The following SYNPR variants were observed in gnomAD, a reference collection of about 807,000 sequenced individuals.
The protein encoded by SYNPR is synaptoporin.
In SYNPR, 23 loss-of-function variants were observed where a neutral mutation model predicts 32.9. The ratio of observed to expected loss-of-function variants is 0.70; its 90% CI spans 0.50 to 0.99. The LOEUF is 0.99. Ranked by LOEUF, SYNPR falls within the 50% of genes least tolerant of loss-of-function variation. The pLI is 0.00. For synonymous variants in SYNPR, 146 were observed against 135.9 expected, an observed-to-expected ratio of 1.07 and a Z score of -0.52; for missense variants, 318 against 349.3, an observed-to-expected ratio of 0.91 and a Z score of 0.71.
At chr3:63,360,826 A>G (rs901954949) in intron 2 of SYNPR, among the ~76,000 whole-genome samples, 1 of 152,086 alleles carries the variant, frequency 6.6e-6, no homozygotes, top group African/African-American at 2.4e-5. Context: ...ATATCTTTTC[A>G]CCATATTTTC....
intron 2 of SYNPR, among the ~76,000 whole-genome samples, chr3:63,328,767 A>C (rs953353939): frequency 1.3e-5 from 2 of 152,164 alleles, no homozygotes; most frequent in Non-Finnish European, 2.9e-5. Context: ...ACTATGGCTA[A>C]ATAAACTTGC....
chr3:63,585,437 C>CTGTA (rs1192333658), intron 4 of SYNPR, among the ~76,000 whole-genome samples: 4 of 113,636 alleles, frequency 3.5e-5, no homozygotes, highest in African/African-American at 1.4e-4. Flanking sequence ...ATGTTTCCTT[C>CTGTA]TGTATATCCA....
At chr3:63,230,248 T>C (rs2106872604) in intron 1 of SYNPR, among the ~76,000 whole-genome samples, 1 of 152,328 alleles carries the variant, frequency 6.6e-6, no homozygotes, top group East Asian at 1.9e-4. Flanking sequence ...CTAATGTGAA[T>C]AGGCACAGCA....
intron 2 of SYNPR, among the ~76,000 whole-genome samples, chr3:63,318,118 A>C (rs1037546144): frequency 6.6e-6 from 1 of 152,056 alleles, no homozygotes; most frequent in Non-Finnish European, 1.5e-5. Context: ...TCTGCTGAGA[A>C]ATCTGCTGTT....
At chr3:63,556,862 T>A in intron 4 of SYNPR, 121 bp downstream of exon 4, 1 of 963,490 alleles carries the variant, frequency 1.0e-6, no homozygotes, top group Non-Finnish European at 1.5e-6. Flanking sequence ...AATCACATTC[T>A]TTTTTATCCA....
the SYNPR span, among the ~76,000 whole-genome samples, chr3:63,219,807 G>A: frequency 1.3e-5 from 2 of 152,130 alleles, no homozygotes; most frequent in Non-Finnish European, 2.9e-5. Context: ...GAGGAGGAAG[G>A]GCAGGCGTTT....
intron 2 of SYNPR, among the ~76,000 whole-genome samples, chr3:63,313,474 C>T (rs991232289): frequency 2.0e-5 from 3 of 151,158 alleles, no homozygotes; most frequent in African/African-American, 7.3e-5. Context: ...TGTGGTTTTC[C>T]ATTCCTGAGT....
At chr3:63,591,209 C>T (rs1306426734) in intron 4 of SYNPR, among the ~76,000 whole-genome samples, 1 of 143,292 alleles carries the variant, frequency 7.0e-6, no homozygotes. Context: ...TGAAAAAATG[C>T]TCATCATCAC....
intron 1 of SYNPR, among the ~76,000 whole-genome samples, chr3:63,229,348 G>A (rs541928873): frequency 1.2e-4 from 19 of 152,022 alleles, no homozygotes; most frequent in Middle Eastern, 6.8e-3. Flanking sequence ...AACTATTGTC[G>A]ACAAATTTAC....
intron 1 of SYNPR, among the ~76,000 whole-genome samples, chr3:63,250,699 G>A (rs1277775953): frequency 2.0e-5 from 3 of 152,136 alleles, no homozygotes; most frequent in South Asian, 4.1e-4. Context: ...TGAGGAAAAT[G>A]AGTCTCACAG....
chr3:63,548,123 C>T (rs1287311348), intron 3 of SYNPR, among the ~76,000 whole-genome samples: 1 of 152,080 alleles, frequency 6.6e-6, no homozygotes, highest in African/African-American at 2.4e-5. Flanking sequence ...TCATTGTCTC[C>T]CCATCTGTTT....
intron 1 of SYNPR, among the ~76,000 whole-genome samples, chr3:63,240,704 A>G (rs182516073): frequency 5.9e-5 from 9 of 152,280 alleles, no homozygotes; most frequent in African/African-American, 7.2e-5. Context: ...TGCAAGGGCC[A>G]TGACCTGCAC....
In SYNPR at chr3:63,585,406, AG is replaced by A. The variant is rs1190737966; in HGVS notation, c.409-23717del. Among the ~76,000 whole-genome samples the A allele has an allele frequency of 2.0e-5, 3 of 151,842 alleles. No individual in the cohort carries two copies. In the East Asian group the frequency reaches 5.8e-4, roughly 30 times the overall value. ...TACGAAAAGCATGCATGCCCCTGGA[AG>A]GCAATGGCATTTCAGTCACATGTTT... On this transcript the variant is annotated intron_variant, in intron 4 of 5. Coordinates refer to ENST00000478300, the MANE Select transcript of SYNPR (RefSeq NM_001130003.2).
At chr3:63,322,596 G>T (rs2087122598) in intron 2 of SYNPR, among the ~76,000 whole-genome samples, 1 of 152,068 alleles carries the variant, frequency 6.6e-6, no homozygotes, top group African/African-American at 2.4e-5. Flanking sequence ...AAAGGTCTCA[G>T]GTCTTTAATG....
chr3:63,361,477 A>G (rs925653211), intron 2 of SYNPR, among the ~76,000 whole-genome samples: 4 of 151,910 alleles, frequency 2.6e-5, no homozygotes, highest in Non-Finnish European at 2.9e-5. Context: ...GGGCTCCTGT[A>G]GTCGCAGCTA....
chr3:63,599,345 C>T (rs911513514), intron 4 of SYNPR, among the ~76,000 whole-genome samples: 1 of 152,034 alleles, frequency 6.6e-6, no homozygotes, highest in Non-Finnish European at 1.5e-5. Flanking sequence ...CTGCAAGCTC[C>T]GTTCATGGTA....
chr3:63,615,216 T>A lies in SYNPR; in HGVS notation c.601-8T>A. The A allele has an allele frequency of 6.2e-7, 1 of 1,611,818 alleles. No homozygotes were observed. The highest frequency in any genetic ancestry group is 8.5e-7 in the Non-Finnish European group (1 of 1,178,684). On this transcript the variant is annotated splice_region_variant and splice_polypyrimidine_tract_variant and intron_variant, in intron 5 of 5. Transcript: ENST00000478300. ...TCTATCAATTCATTGGCTTTGATTC[T>A]CCTTCAGGTCTTTGGATTCTTGAAC...
rs991267038 is a variant in SYNPR at position 63,320,132 on chromosome 3, G to C, written c.84+41390G>C. ...ACCTGGCTAATTTTTTCTGTTTTTA[G>C]TAAAGACAGGGTTTCACTCTATTGT... On this transcript the variant is annotated intron_variant, in intron 2 of 5. Transcript: ENST00000478300. Among the ~76,000 whole-genome samples the C allele has an allele frequency of 4.0e-5, 6 of 151,842 alleles. 1 individual carries two copies. The South Asian group carries it at 6.2e-4, about 16-fold the overall frequency.
intron 3 of SYNPR, among the ~76,000 whole-genome samples, chr3:63,556,102 CTG>C (rs1252148942): frequency 6.6e-6 from 1 of 152,136 alleles, no homozygotes; most frequent in African/African-American, 2.4e-5. Context: ...TTTGTCATAA[CTG>C]AGAAACAGAA....
Sources: allele counts gnomAD v4.1 joint callset (sites outside exome capture counted in the v4.1 genomes callset), GRCh38; gene constraint gnomAD v4.1.1; transcripts MANE v1.5; gene names NCBI Gene and HGNC (gene_info 2026-07-23, HGNC 2026-07-21).